Variants in UBASH3B observed in about 807,000 individuals in gnomAD.
The protein encoded by UBASH3B is ubiquitin associated and SH3 domain containing B.
A neutral mutation model predicts 83.4 loss-of-function variants in UBASH3B; 37 were observed. The observed-to-expected ratio is 0.44, with a 90% CI of 0.34 to 0.58. The LOEUF (loss-of-function observed/expected upper bound fraction) is 0.58. UBASH3B is among the 20% of genes least tolerant of loss of function. The probability of loss-of-function intolerance (pLI) is 0.01; values close to 1 mark genes in which losing one functional copy is unlikely to be tolerated. For missense variants in UBASH3B, 657 were observed against 827.2 expected (o/e 0.79, Z 2.52); for synonymous variants, 304 against 318.3 (o/e 0.96, Z 0.48).
intron 1 of UBASH3B, among the ~76,000 whole-genome samples, chr11:122,671,769 C>G (rs1863596220): frequency 6.6e-6 from 1 of 152,158 alleles, no homozygotes; most frequent in Non-Finnish European, 1.5e-5. Context: ...AGATGGCCTG[C>G]ATTGTGCGTG....
At chr11:122,789,412 C>A in intron 6 of UBASH3B, 104 bp downstream of exon 6, 4 of 1,259,136 alleles carry the variant, frequency 3.2e-6, no homozygotes, top group Non-Finnish European at 3.4e-6. Context: ...GGGAAGAAGG[C>A]CCTGTGGATT....
At chr11:122,657,924 C>A (rs1863385445) in intron 1 of UBASH3B, among the ~76,000 whole-genome samples, 1 of 151,852 alleles carries the variant, frequency 6.6e-6, no homozygotes, top group Admixed American at 6.6e-5. Context: ...GGGTGTAACC[C>A]CAGCAGTTTG....
At chr11:122,701,518 T>C (rs1427152967) in intron 1 of UBASH3B, among the ~76,000 whole-genome samples, 1 of 152,156 alleles carries the variant, frequency 6.6e-6, no homozygotes, top group African/African-American at 2.4e-5. Flanking sequence ...TGTGTACTTT[T>C]CAAAATGAGC....
At chr11:122,678,747 G>A (rs1283447578) in intron 1 of UBASH3B, among the ~76,000 whole-genome samples, 3 of 152,152 alleles carry the variant, frequency 2.0e-5, no homozygotes, top group Non-Finnish European at 4.4e-5. Context: ...GGAATGCTGT[G>A]GAACAAATTC....
At chr11:122,691,669 C>T (rs1041548805) in intron 1 of UBASH3B, among the ~76,000 whole-genome samples, 4 of 152,178 alleles carry the variant, frequency 2.6e-5, no homozygotes, top group Admixed American at 6.5e-5. Context: ...CCACCACTTG[C>T]GGGAAAATCC....
chr11:122,702,475 T>G (rs1391839208), intron 1 of UBASH3B, among the ~76,000 whole-genome samples: 1 of 151,854 alleles, frequency 6.6e-6, no homozygotes, highest in East Asian at 1.9e-4. Flanking sequence ...GAAACGTGTT[T>G]GGAGTTTTGG....
intron 1 of UBASH3B, among the ~76,000 whole-genome samples, chr11:122,660,309 G>A (rs1863421633): frequency 6.6e-6 from 1 of 151,850 alleles, no homozygotes; most frequent in Admixed American, 6.5e-5. Context: ...TCCAAGTTAA[G>A]GAGGTGTTCG....
Position 122,789,102 on chromosome 11 carries a change from A to G in UBASH3B, c.774A>G (p.Thr258=). 2 of 1,611,952 alleles carry G rather than the reference A, an allele frequency of 1.2e-6. No individual in the cohort carries two copies. The highest frequency in any genetic ancestry group is 1.7e-6 in the Non-Finnish European group (2 of 1,179,296). Residue 258 remains threonine, a splice_region_variant and synonymous_variant, in exon 6 of 14, where the codon ACA becomes ACG. Coordinates refer to ENST00000284273, the MANE Select transcript of UBASH3B (RefSeq NM_032873.5). ...CTCACCCTCTCTTCCTTTTCCAGAC[A>G]TTACAGGTCATCTACCCCTATACCC... ...SRDIRFANHE[T]LQVIYPYTPQ...
At chr11:122,808,762 A>C (rs1221313726) in intron 13 of UBASH3B, among the ~76,000 whole-genome samples, 1 of 152,164 alleles carries the variant, frequency 6.6e-6, no homozygotes, top group Non-Finnish European at 1.5e-5. Flanking sequence ...CCGCCAGAGA[A>C]CCTGGTTCAA....
Position 122,751,899 on chromosome 11 carries a change from T to C in UBASH3B, c.162-24320T>C, listed in dbSNP as rs1386418576. ...GAGGTTTGATCTAGGGTGAGACCAATTGCTACAACCAAAAGTAGTCAGCTC... is the reference window on the plus strand; with the variant it reads ...GAGGTTTGATCTAGGGTGAGACCAACTGCTACAACCAAAAGTAGTCAGCTC... On this transcript the variant is annotated intron_variant, in intron 1 of 13. Coordinates refer to ENST00000284273, the MANE Select transcript of UBASH3B (RefSeq NM_032873.5). Among the ~76,000 whole-genome samples the C allele has an allele frequency of 2.0e-5, 3 of 152,150 alleles. No individual in the cohort carries two copies. The East Asian group carries it at 5.8e-4, about 29-fold the overall frequency.
chr11:122,768,432 G>A (rs1860587496), intron 1 of UBASH3B, among the ~76,000 whole-genome samples: 1 of 150,560 alleles, frequency 6.6e-6, no homozygotes, highest in South Asian at 2.1e-4. Flanking sequence ...ATATATATAT[G>A]AGTATATTAA....
intron 1 of UBASH3B, among the ~76,000 whole-genome samples, chr11:122,728,869 C>T (rs527978145): frequency 6.6e-6 from 1 of 152,306 alleles, no homozygotes; most frequent in Non-Finnish European, 1.5e-5. Context: ...AATGTCAGAG[C>T]TAGAGGGTCT....
intron 1 of UBASH3B, among the ~76,000 whole-genome samples, chr11:122,688,846 G>A (rs993646500): frequency 3.9e-5 from 6 of 152,088 alleles, no homozygotes; most frequent in Admixed American, 2.0e-4. Context: ...GGGTTTCACC[G>A]TGTTAGCCAG....
chr11:122,810,015 C>T lies in UBASH3B; in HGVS notation c.*129C>T. On this transcript the variant is annotated 3_prime_UTR_variant, in exon 14 of 14. Transcript: ENST00000284273. ...ATAATTTAGCATATTTCCTTTCACACTTAAAGTTCTTAAGATGAGACTGTG... is the reference window on the plus strand; with the variant it reads ...ATAATTTAGCATATTTCCTTTCACATTTAAAGTTCTTAAGATGAGACTGTG... 1.8e-6 allele frequency: 2 copies of T among 1,124,958 alleles called. No homozygotes were observed. Among genetic ancestry groups the T allele is most frequent in the South Asian group, 3.3e-5 (2 of 61,476 alleles). 69.7% of individuals were successfully genotyped at this position (1,124,958 alleles called of 1,614,324 possible). A position where few individuals can be genotyped will look rare whatever the true frequency, so the allele number is the denominator to read the frequency against.
chr11:122,692,978 G>T (rs1863914728), intron 1 of UBASH3B, among the ~76,000 whole-genome samples: 1 of 152,198 alleles, frequency 6.6e-6, no homozygotes, highest in Non-Finnish European at 1.5e-5. Flanking sequence ...AGGGTGGTGG[G>T]ATTATCATTA....
intron 1 of UBASH3B, among the ~76,000 whole-genome samples, chr11:122,673,135 G>C (rs1383760401): frequency 6.6e-6 from 1 of 152,200 alleles, no homozygotes; most frequent in Non-Finnish European, 1.5e-5. Context: ...AGCATTTTGG[G>C]AAGGGATTAC....
At chr11:122,694,019 G>A (rs1863929537) in intron 1 of UBASH3B, among the ~76,000 whole-genome samples, 1 of 152,204 alleles carries the variant, frequency 6.6e-6, no homozygotes, top group South Asian at 2.1e-4. Flanking sequence ...CCAGTCATAA[G>A]GTCGACTAGG....
chr11:122,793,562 T>C (rs1419000504), intron 6 of UBASH3B, among the ~76,000 whole-genome samples: 1 of 152,208 alleles, frequency 6.6e-6, no homozygotes, highest in Non-Finnish European at 1.5e-5. Context: ...ATGTTTCCCC[T>C]GGACTCTGCT....
In UBASH3B at chr11:122,789,240, C is replaced by T; in HGVS notation, c.912C>T (p.Gly304=). The change falls in exon 6 of 14, where the codon GGC becomes GGT. Residue 304 remains glycine (G), a synonymous_variant. Coordinates refer to ENST00000284273, the MANE Select transcript of UBASH3B (RefSeq NM_032873.5). ...GWIYGTSLTT[G]CSGLLPENYI... ...TCTATGGCACGTCCTTAACCACCGG[C>T]TGCTCTGGACTCCTGCCTGAGAATT... 6.2e-7 allele frequency: 1 copy of T among 1,614,248 alleles called. No homozygotes were observed. Among genetic ancestry groups the T allele is most frequent in the Non-Finnish European group, 8.5e-7 (1 of 1,180,048 alleles).
Sources: gnomAD v4.1 joint callset for allele counts (sites outside exome capture counted in the v4.1 genomes callset) on GRCh38, gnomAD v4.1.1 for gene constraint, MANE v1.5 for transcripts, NCBI Gene and HGNC (gene_info 2026-07-23, HGNC 2026-07-21) for gene names.